ADGRB3: variants seen among roughly 807,000 people sequenced by gnomAD.
ADGRB3 encodes adhesion G protein-coupled receptor B3, also known as brain-specific angiogenesis inhibitor 3.
Under a neutral mutation model 193.4 loss-of-function variants are expected in ADGRB3, and 37 were observed. The observed-to-expected ratio is 0.19, with a 90% confidence interval of 0.15 to 0.25. The LOEUF (loss-of-function observed/expected upper bound fraction) is 0.25, where lower values mean the gene tolerates loss of function less well. Among genes scored for constraint, ADGRB3 ranks in the 10% least tolerant of loss-of-function variants. The pLI, the probability that ADGRB3 is intolerant of heterozygous loss-of-function variation, is 1.00. For missense variants in ADGRB3, 1,637 were observed against 1,852.9 expected (o/e 0.88, Z 2.14); for synonymous variants, 690 against 644.2 (o/e 1.07, Z -1.08).
At chr6:69,300,312 T>C (rs1767922083) in intron 20 of ADGRB3, among the ~76,000 whole-genome samples, 1 of 151,674 alleles carries the variant, frequency 6.6e-6, no homozygotes, top group South Asian at 2.1e-4. Flanking sequence ...AAAAGGAACA[T>C]AGTCCAACAC....
chr6:69,015,690 G>T (rs2785575), intron 12 of ADGRB3, among the ~76,000 whole-genome samples: 23,329 of 151,860 alleles, frequency 0.15, 2,180 homozygotes, highest in South Asian at 0.29. Context: ...AATGAGCTGA[G>T]TAAAATGGTG....
intron 3 of ADGRB3, among the ~76,000 whole-genome samples, chr6:68,665,852 A>G (rs1768788761): frequency 1.3e-5 from 2 of 151,964 alleles, no homozygotes; most frequent in East Asian, 3.9e-4. Context: ...GTTAAATACT[A>G]TAGTAATATA....
At chr6:69,031,996 C>T (rs908070729) in intron 13 of ADGRB3, among the ~76,000 whole-genome samples, 6 of 152,026 alleles carry the variant, frequency 3.9e-5, no homozygotes, top group African/African-American at 7.3e-5. Flanking sequence ...CCTGTGTGCC[C>T]TAGGGAAGGT....
intron 20 of ADGRB3, among the ~76,000 whole-genome samples, chr6:69,298,823 A>T (rs1443662899): frequency 1.3e-5 from 2 of 152,032 alleles, no homozygotes. Context: ...GGCTATAGTG[A>T]ATAGTGCTGC....
At chr6:68,888,246 A>G (rs1765967991) in intron 3 of ADGRB3, among the ~76,000 whole-genome samples, 2 of 152,156 alleles carry the variant, frequency 1.3e-5, no homozygotes, top group Admixed American at 6.5e-5. Flanking sequence ...CCAAATGTCT[A>G]CAGAAGATCC....
At chr6:69,324,273 A>G (rs948131931) in intron 20 of ADGRB3, among the ~76,000 whole-genome samples, 15 of 152,164 alleles carry the variant, frequency 9.9e-5, no homozygotes, top group Non-Finnish European at 1.8e-4. Flanking sequence ...GTAATAGTAT[A>G]GAAGCATTGT....
At position 68,930,607 on chromosome 6, in the gene ADGRB3, C is replaced by G; in HGVS notation, c.806C>G (p.Ser269Cys). 1 of 1,612,792 alleles carries G rather than the reference C, an allele frequency of 6.2e-7. No homozygotes were observed. Among genetic ancestry groups the G allele is most frequent in the Middle Eastern group, 1.7e-4 (1 of 6,050 alleles). Reference sequence around the variant, plus strand: ...ACAATTAAAAGTCAGCGACCTCGATCTGTTCATGAAAAAAGGGTCCCTCAG... The same window carrying G: ...ACAATTAAAAGTCAGCGACCTCGATGTGTTCATGAAAAAAGGGTCCCTCAG... Reference protein sequence around the residue: ...DHTIKSQRPRSVHEKRVPQEQ... With the variant: ...DHTIKSQRPRCVHEKRVPQEQ... Residue 269 changes from serine to cysteine, a missense_variant, in exon 4 of 32, where the codon TCT becomes TGT. Coordinates refer to ENST00000370598, the MANE Select transcript of ADGRB3 (RefSeq NM_001704.3).
intron 17 of ADGRB3, among the ~76,000 whole-genome samples, chr6:69,177,548 C>T (rs1465850764): frequency 2.6e-5 from 4 of 151,954 alleles, no homozygotes; most frequent in African/African-American, 4.8e-5. Flanking sequence ...GGGTTTTACC[C>T]TGTCAGCCAG....
intron 11 of ADGRB3, among the ~76,000 whole-genome samples, chr6:68,999,614 GAT>G (rs1376451298): frequency 1.3e-5 from 2 of 152,154 alleles, no homozygotes; most frequent in Non-Finnish European, 2.9e-5. Flanking sequence ...CCAGCTTAAA[GAT>G]ATCTTTTGTT....
At chr6:68,684,453 T>C (rs1475077642) in intron 3 of ADGRB3, among the ~76,000 whole-genome samples, 1 of 152,210 alleles carries the variant, frequency 6.6e-6, no homozygotes, top group African/African-American at 2.4e-5. Context: ...TTACAAAAGA[T>C]GTATTTTTTA....
intron 3 of ADGRB3, among the ~76,000 whole-genome samples, chr6:68,854,316 A>G (rs963088565): frequency 6.6e-6 from 1 of 152,222 alleles, no homozygotes; most frequent in Non-Finnish European, 1.5e-5. Flanking sequence ...CAAGAGATTT[A>G]TTATATAGCA....
At chr6:69,128,905 G>A (rs1773926577) in intron 17 of ADGRB3, among the ~76,000 whole-genome samples, 1 of 152,168 alleles carries the variant, frequency 6.6e-6, no homozygotes, top group Non-Finnish European at 1.5e-5. Flanking sequence ...TCAAGTTGCA[G>A]AATTAGCACT....
chr6:68,849,161 A>C (rs1256964304), intron 3 of ADGRB3, among the ~76,000 whole-genome samples: 1 of 151,986 alleles, frequency 6.6e-6, no homozygotes, highest in Non-Finnish European at 1.5e-5. Context: ...GAATCATGAA[A>C]AGAGATATAA....
At chr6:68,701,686 G>A (rs1228060933) in intron 3 of ADGRB3, among the ~76,000 whole-genome samples, 1 of 152,014 alleles carries the variant, frequency 6.6e-6, no homozygotes, top group African/African-American at 2.4e-5. Context: ...AGGCTCTTTT[G>A]ATTGATGGCT....
intron 11 of ADGRB3, among the ~76,000 whole-genome samples, chr6:69,005,537 T>A (rs1159108650): frequency 6.6e-6 from 1 of 152,200 alleles, no homozygotes. Context: ...TTAAAATGTG[T>A]TCTTAAAGAC....
At chr6:69,174,939 C>A (rs547035541) in intron 17 of ADGRB3, among the ~76,000 whole-genome samples, 2 of 152,124 alleles carry the variant, frequency 1.3e-5, no homozygotes, top group African/African-American at 4.8e-5. Context: ...CTGTCTTTTG[C>A]CCATTTCTTA....
In ADGRB3 at chr6:69,275,761, C is replaced by G. The variant is rs900367884; in HGVS notation, c.2814+36535C>G. On this transcript the variant is annotated intron_variant, in intron 20 of 31. Coordinates refer to ENST00000370598, the MANE Select transcript of ADGRB3 (RefSeq NM_001704.3). The stretch of plus-strand genomic sequence containing the variant: ...GTATAATTCTAAAAATTTTATTAGA[C>G]TAGTAGATATTTTCACAGTACATGG... Among the ~76,000 whole-genome samples the G allele has an allele frequency of 3.7e-4, 56 of 151,804 alleles. No homozygotes were observed. The East Asian group carries it at 8.7e-3, about 24-fold the overall frequency.
chr6:69,224,688 C>T (rs1376136195), intron 17 of ADGRB3, among the ~76,000 whole-genome samples: 1 of 152,054 alleles, frequency 6.6e-6, no homozygotes, highest in Admixed American at 6.6e-5. Flanking sequence ...ATAATTGATC[C>T]ATGAACTAAT....
intron 20 of ADGRB3, among the ~76,000 whole-genome samples, chr6:69,300,240 C>A (rs1048717269): frequency 6.6e-6 from 1 of 151,708 alleles, no homozygotes; most frequent in Non-Finnish European, 1.5e-5. Context: ...TCAATAGATG[C>A]AGAGAAAACA....
Sources: allele counts gnomAD v4.1 joint callset (sites outside exome capture counted in the v4.1 genomes callset), GRCh38; gene constraint gnomAD v4.1.1; transcripts MANE v1.5; gene names NCBI Gene and HGNC (gene_info 2026-07-23, HGNC 2026-07-21).